The following SEL1L variants were observed in gnomAD, a reference collection of about 807,000 sequenced individuals.
The protein encoded by SEL1L is protein sel-1 homolog 1.
In SEL1L, 52 loss-of-function variants were observed where a neutral mutation model predicts 109.8. The ratio of observed to expected loss-of-function variants is 0.47; its 90% CI spans 0.38 to 0.60. The LOEUF (loss-of-function observed/expected upper bound fraction) is 0.60, where lower values mean the gene tolerates loss of function less well. Ranked by LOEUF, SEL1L falls within the 20% of genes least tolerant of loss-of-function variation. The probability of loss-of-function intolerance (pLI) is 0.00; values close to 1 mark genes in which losing one functional copy is unlikely to be tolerated. For synonymous variants in SEL1L, 373 were observed against 339.6 expected (o/e 1.10, Z -1.08); for missense variants, 749 against 962.2 (o/e 0.78, Z 2.93).
Position 81,506,241 on chromosome 14 carries a change from G to GCTGGAATGA in SEL1L, c.341-9_341-1dup (p.Pro113_Ala114insValIlePro). 6.3e-7 allele frequency: 1 copy of GCTGGAATGA among 1,584,166 alleles called. No homozygotes were observed. The highest frequency in any genetic ancestry group is 8.6e-7 in the Non-Finnish European group (1 of 1,167,276). On this transcript the variant is annotated inframe_insertion and splice_region_variant. Coordinates refer to ENST00000336735, the MANE Select transcript of SEL1L (RefSeq NM_005065.6). The stretch of plus-strand genomic sequence containing the variant: ...TGCTGTGCCTTCAATGGCGGTCAAA[G>GCTGGAATGA]CTGGAATGACAAGAAATAAAAATCT...
At chr14:81,478,675 C>T (rs905834156) in intron 20 of SEL1L, among the ~76,000 whole-genome samples, 4 of 152,192 alleles carry the variant, frequency 2.6e-5, no homozygotes, top group Non-Finnish European at 5.9e-5. Flanking sequence ...CATGTGGAAG[C>T]GACTGGGAGG....
At chr14:81,494,970 G>A (rs1346079155) in intron 11 of SEL1L, 111 bp downstream of exon 11, 1 of 984,892 alleles carries the variant, frequency 1.0e-6, no homozygotes, top group African/African-American at 1.6e-5. Flanking sequence ...ATTTGTGATG[G>A]GTGTTTAAAT....
intron 14 of SEL1L, among the ~76,000 whole-genome samples, chr14:81,488,521 T>C (rs1214616899): frequency 6.6e-6 from 1 of 152,034 alleles, no homozygotes; most frequent in Non-Finnish European, 1.5e-5. Flanking sequence ...AGCTCTTAGT[T>C]TCAGCCTCAA....
chr14:81,526,690 G>A (rs764043992), intron 3 of SEL1L, 43 bp downstream of exon 3: 1 of 1,478,760 alleles, frequency 6.8e-7, no homozygotes, highest in South Asian at 1.1e-5. Context: ...ATTTTCAGTT[G>A]TCCCCTAAAT....
Position 81,521,485 on chromosome 14 carries a change from T to C in SEL1L, c.340+5248A>G, listed in dbSNP as rs990211427. On this transcript the variant is annotated intron_variant, in intron 3 of 20. Coordinates refer to ENST00000336735, the MANE Select transcript of SEL1L (RefSeq NM_005065.6). ...TGCAATGAACAAAAATATGATCATG[T>C]GACACATCATAACTTCTTGGCCAAT... 2.2e-4 allele frequency among the ~76,000 whole-genome samples: 33 copies of C among 152,334 alleles called. 1 individual carries two copies. Among genetic ancestry groups the C allele is most frequent in the Middle Eastern group, 6.8e-3 (2 of 294 alleles).
chr14:81,506,663 A>T (rs926074942), intron 3 of SEL1L, among the ~76,000 whole-genome samples: 1 of 152,132 alleles, frequency 6.6e-6, no homozygotes, highest in South Asian at 2.1e-4. Context: ...GCTCCCCCCA[A>T]GGCAAAGCTA....
At chr14:81,482,205 T>C (rs1245814206) in intron 19 of SEL1L, among the ~76,000 whole-genome samples, 1 of 152,194 alleles carries the variant, frequency 6.6e-6, no homozygotes, top group Admixed American at 6.5e-5. Flanking sequence ...TTATTAGCTA[T>C]ACAGTGTATT....
intron 10 of SEL1L, among the ~76,000 whole-genome samples, chr14:81,495,666 T>C (rs941400136): frequency 2.6e-5 from 4 of 151,776 alleles, no homozygotes; most frequent in African/African-American, 9.7e-5. Flanking sequence ...CTAGGCACGA[T>C]GGGCTCATGC....
At chr14:81,527,674 C>G (rs910998386) in intron 2 of SEL1L, 27 bp downstream of exon 2, 1 of 1,537,634 alleles carries the variant, frequency 6.5e-7, no homozygotes, top group African/African-American at 1.4e-5. Flanking sequence ...GCAGCAAATA[C>G]TGGCCAATAC....
chr14:81,471,839 T>C lies in SEL1L; in HGVS notation c.*5133A>G, dbSNP rs894554243. 6.6e-6 allele frequency: 1 copy of C among 152,116 alleles called. No individual in the cohort carries two copies. Among genetic ancestry groups the C allele is most frequent in the African/African-American group, 2.4e-5 (1 of 41,412 alleles). The allele number at this position is 152,116 out of a possible 1,614,324, so 9.4% of individuals were successfully genotyped here. The stretch of plus-strand genomic sequence containing the variant: ...TTTGATGGCGAAGTAGTGACGTAAG[T>C]GACATGAGAAGGAACGTACAAAGCC... On this transcript the variant is annotated 3_prime_UTR_variant, in exon 21 of 21. Coordinates refer to ENST00000336735, the MANE Select transcript of SEL1L (RefSeq NM_005065.6).
intron 3 of SEL1L, among the ~76,000 whole-genome samples, chr14:81,511,474 G>T (rs751724422): frequency 2.1e-4 from 32 of 152,208 alleles, no homozygotes; most frequent in Non-Finnish European, 4.3e-4. Flanking sequence ...TTAAAGACAC[G>T]TGAGTTTTCA....
chr14:81,510,514 C>CTCTCTCTCTCTCTCTATATA (rs35474067), intron 3 of SEL1L, among the ~76,000 whole-genome samples: 15 of 104,066 alleles, frequency 1.4e-4, no homozygotes, highest in African/African-American at 3.4e-4. Flanking sequence ...CTCTCTCTCT[C>CTCTCTCTCTCTCTCTATATA]TATATATATA....
intron 4 of SEL1L, among the ~76,000 whole-genome samples, chr14:81,505,337 T>A (rs186073206): frequency 6.6e-6 from 1 of 152,294 alleles, no homozygotes; most frequent in Admixed American, 6.5e-5. Flanking sequence ...TAAGAACTCA[T>A]CAAAACAAAC....
At position 81,523,248 on chromosome 14, in the gene SEL1L, G is replaced by A. The variant is rs913573506; in HGVS notation, c.340+3485C>T. ...AGTCCCATCCCCCAACCTCAGAAGG[G>A]CAGAGGAGCTAAAAGTTGAGCCAAT... On this transcript the variant is annotated intron_variant, in intron 3 of 20. Transcript: ENST00000336735. Among the ~76,000 whole-genome samples the A allele has an allele frequency of 4.6e-5, 7 of 152,256 alleles. No individual in the cohort carries two copies. In the East Asian group the frequency reaches 1.4e-3, roughly 29 times the overall value.
In SEL1L at chr14:81,484,258, T is replaced by A; in HGVS notation, c.2013A>T (p.Gly671=). The part of the protein sequence containing the change: ...QHSAQAMFNL[G]YMHEKGLGIK... Reference sequence around the variant, plus strand: ...TGCCCAGTCCTTTCTCATGCATATATCCCAGATTAAACATAGCTTGTGCAC... The same window carrying A: ...TGCCCAGTCCTTTCTCATGCATATAACCCAGATTAAACATAGCTTGTGCAC... The change falls in exon 19 of 21, where the codon GGA becomes GGT. Residue 671 remains glycine, a synonymous_variant. Transcript: ENST00000336735. The A allele has an allele frequency of 6.2e-7, 1 of 1,613,950 alleles. No individual in the cohort carries two copies. The highest frequency in any genetic ancestry group is 8.5e-7 in the Non-Finnish European group (1 of 1,179,836).
intron 3 of SEL1L, among the ~76,000 whole-genome samples, chr14:81,516,435 C>T (rs901353740): frequency 1.7e-4 from 26 of 152,156 alleles, no homozygotes; most frequent in African/African-American, 5.3e-4. Flanking sequence ...CTGGAAGTCC[C>T]AGGACCCTTA....
chr14:81,481,699 A>G (rs1903360143), intron 19 of SEL1L, among the ~76,000 whole-genome samples: 1 of 152,172 alleles, frequency 6.6e-6, no homozygotes, highest in Admixed American at 6.5e-5. Flanking sequence ...TTAAACCTCA[A>G]AAGAAAAAAA....
chr14:81,529,213 CA>C (rs1885235199), intron 1 of SEL1L, among the ~76,000 whole-genome samples: 2 of 152,112 alleles, frequency 1.3e-5, no homozygotes, highest in Admixed American at 6.5e-5. Flanking sequence ...AAGTATTACC[CA>C]AAGCCCAATT....
intron 13 of SEL1L, among the ~76,000 whole-genome samples, chr14:81,489,941 A>G (rs1192054387): frequency 1.3e-5 from 2 of 152,232 alleles, no homozygotes; most frequent in Non-Finnish European, 2.9e-5. Context: ...AACATGTATA[A>G]TAGTTGACAG....
Sources: allele counts gnomAD v4.1 joint callset (sites outside exome capture counted in the v4.1 genomes callset), GRCh38; gene constraint gnomAD v4.1.1; transcripts MANE v1.5; gene names NCBI Gene and HGNC (gene_info 2026-07-23, HGNC 2026-07-21).